LPCAT3: variants seen among roughly 807,000 people sequenced by gnomAD.
LPCAT3 encodes the protein lysophosphatidylcholine acyltransferase 3.
LPCAT3 carries 21 observed loss-of-function variants against 63.4 expected under a neutral mutation model. The ratio of observed to expected loss-of-function variants is 0.33; its 90% confidence interval spans 0.23 to 0.48. The LOEUF is 0.48. LPCAT3 is among the 20% of genes least tolerant of loss of function. The pLI, the probability that LPCAT3 is intolerant of heterozygous loss-of-function variation, is 0.99. For missense variants in LPCAT3, 451 were observed against 590.6 expected, an observed-to-expected ratio of 0.76 and a Z score of 2.45; for synonymous variants, 242 against 227.5, an observed-to-expected ratio of 1.06 and a Z score of -0.58.
intron 6 of LPCAT3, chr12:6,980,783 TG>T: frequency 5.2e-6 from 2 of 385,766 alleles, no homozygotes. Flanking sequence ...GTGGCATAAA[TG>T]TGGATTTTTA....
chr12:7,007,147 G>C (rs868927269), intron 1 of LPCAT3, among the ~76,000 whole-genome samples: 27 of 152,032 alleles, frequency 1.8e-4, no homozygotes, highest in African/African-American at 5.8e-4. Flanking sequence ...GGGTTCAAGT[G>C]ATTCTCCTGC....
In LPCAT3 at chr12:6,982,662, G is replaced by A. The variant is rs1555154274; in HGVS notation, c.366+14C>T. On this transcript the variant is annotated intron_variant, in intron 3 of 12. Transcript: ENST00000261407. ...GTCAGCTGTAGCCTGAGCTGCTAAG[G>A]GAAAGACGTTTACCATCTGGAAGCA... The A allele has an allele frequency of 6.3e-7, 1 of 1,588,198 alleles. No individual in the cohort carries two copies. The highest frequency in any genetic ancestry group is 2.2e-5 in the East Asian group (1 of 44,732).
intron 1 of LPCAT3, among the ~76,000 whole-genome samples, chr12:6,986,092 T>C (rs1010901610): frequency 6.6e-6 from 1 of 152,068 alleles, no homozygotes; most frequent in Non-Finnish European, 1.5e-5. Context: ...GTTTTTTTTT[T>C]AATTGCTGTT....
chr12:6,993,010 C>T (rs1416437790), intron 1 of LPCAT3, among the ~76,000 whole-genome samples: 1 of 152,018 alleles, frequency 6.6e-6, no homozygotes, highest in Non-Finnish European at 1.5e-5. Flanking sequence ...TATTATTTAG[C>T]TTAGAATCCA....
intron 1 of LPCAT3, among the ~76,000 whole-genome samples, chr12:7,002,304 G>T (rs936512191): frequency 1.6e-4 from 25 of 152,194 alleles, no homozygotes; most frequent in African/African-American, 5.5e-4. Flanking sequence ...AGTCCAACCA[G>T]TATGTGGTAA....
chr12:7,012,030 C>T (rs1459443079), intron 1 of LPCAT3, among the ~76,000 whole-genome samples: 4 of 152,182 alleles, frequency 2.6e-5, no homozygotes, highest in Non-Finnish European at 5.9e-5. Context: ...AACTAAACTG[C>T]AGGACCTCCT....
intron 1 of LPCAT3, among the ~76,000 whole-genome samples, chr12:6,994,557 T>C (rs1192834793): frequency 6.6e-6 from 1 of 151,948 alleles, no homozygotes; most frequent in Non-Finnish European, 1.5e-5. Context: ...GCCTCAACTT[T>C]CTAGGTTCAA....
chr12:7,010,262 G>T (rs782375352), intron 1 of LPCAT3, among the ~76,000 whole-genome samples: 2 of 152,116 alleles, frequency 1.3e-5, no homozygotes, highest in Non-Finnish European at 2.9e-5. Flanking sequence ...TAGATTCAGG[G>T]ACAGACAGGG....
chr12:7,017,218 T>C lies in LPCAT3; in HGVS notation c.151+1056A>G, dbSNP rs12580233. 0.13 allele frequency among the ~76,000 whole-genome samples: 20,445 copies of C among 152,142 alleles called. 1,956 individuals are homozygous for C. Among genetic ancestry groups the C allele is most frequent in the African/African-American group, 0.27 (11,206 of 41,442 alleles). ...ACAGCTTTTGCTTAATCCTTCCCAC[T>C]CACCCGCTCCTAAAGTTCTATAACC... On this transcript the variant is annotated intron_variant, in intron 1 of 12. Transcript: ENST00000261407. The surrounding 1 kb of genome is among the most constrained non-coding windows in gnomAD (Gnocchi z 4.1).
At chr12:7,013,198 G>A (rs1243042339) in intron 1 of LPCAT3, among the ~76,000 whole-genome samples, 1 of 152,210 alleles carries the variant, frequency 6.6e-6, no homozygotes, top group African/African-American at 2.4e-5. Context: ...GGGCACTCCA[G>A]GCAGCAGGTA....
At chr12:6,979,441 C>T (rs979031469) in intron 7 of LPCAT3, 30 bp downstream of exon 7, 1 of 1,504,436 alleles carries the variant, frequency 6.6e-7, no homozygotes, top group Non-Finnish European at 9.3e-7. Context: ...CTGGTGCAGT[C>T]ATGCTGCTGC....
intron 1 of LPCAT3, among the ~76,000 whole-genome samples, chr12:7,004,724 T>G (rs1374080708): frequency 3.9e-5 from 6 of 152,226 alleles, no homozygotes; most frequent in Non-Finnish European, 7.3e-5. Context: ...TCCTGGCTGA[T>G]AGTATCTCTT....
intron 1 of LPCAT3, among the ~76,000 whole-genome samples, chr12:6,991,485 T>C (rs1352174882): frequency 1.3e-5 from 2 of 152,224 alleles, no homozygotes; most frequent in African/African-American, 4.8e-5. Context: ...TTCATTAGAA[T>C]ACATATCAAA....
intron 1 of LPCAT3, among the ~76,000 whole-genome samples, chr12:7,014,892 CAAAAAAAAAAAAA>C (rs375839002): frequency 1.7e-5 from 1 of 57,618 alleles, no homozygotes; most frequent in African/African-American, 5.9e-5. Flanking sequence ...GACTCCGTCT[CAAAAAAAAAAAAA>C]AAAAAAAAAT....
At chr12:6,999,715 AG>A (rs1230224603) in intron 1 of LPCAT3, among the ~76,000 whole-genome samples, 1 of 152,208 alleles carries the variant, frequency 6.6e-6, no homozygotes, top group Non-Finnish European at 1.5e-5. Context: ...CAACAGATTG[AG>A]GCACTTTAAG....
intron 1 of LPCAT3, among the ~76,000 whole-genome samples, chr12:6,994,356 C>T (rs1219275959): frequency 4.6e-5 from 7 of 152,078 alleles, no homozygotes; most frequent in Non-Finnish European, 7.4e-5. Context: ...TACAGGTGTG[C>T]ACCACCATGC....
At chr12:6,982,918 G>C (rs1946485552) in intron 2 of LPCAT3, 136 bp from the exon 3 acceptor site, 2 of 670,830 alleles carry the variant, frequency 3.0e-6, no homozygotes, top group Non-Finnish European at 5.4e-6. Flanking sequence ...TGTTTTGGAG[G>C]AGAGGATGGA....
Position 6,977,199 on chromosome 12 carries a change from A to G in LPCAT3, c.1411T>C (p.Tyr471His), listed in dbSNP as rs781908784. The G allele has an allele frequency of 1.9e-6, 3 of 1,613,858 alleles. No homozygotes were observed. The highest frequency in any genetic ancestry group is 2.5e-6 in the Non-Finnish European group (3 of 1,179,704). The change falls in exon 12 of 13, where the codon TAT becomes CAT. Residue 471 changes from tyrosine (Y) to histidine (H), a missense_variant. Tyr to His is a moderately conservative substitution (Grantham distance 83, BLOSUM62 2). Transcript: ENST00000261407. The surrounding 1 kb of genome is among the most constrained non-coding windows in gnomAD (Gnocchi z 4.5). ...FFLSLLFILP[Y>H]IHKAMVPRKE... ...CTTGGCACCATTGCTTTGTGAATAT[A>G]AGGCAATATGAATAGTAGGCTCAGG...
chr12:6,977,623 A>T lies in LPCAT3; in HGVS notation c.1163T>A (p.Phe388Tyr). Reference sequence around the variant, plus strand: ...CTGTCTTTCCACAATAACAATGAGGAATTCCATCTGGAAGCAGACCAGGTA... The same window carrying T: ...CTGTCTTTCCACAATAACAATGAGGTATTCCATCTGGAAGCAGACCAGGTA... Reference protein sequence around the residue: ...SGYLVCFQMEFLIVIVERQAA... With the variant: ...SGYLVCFQMEYLIVIVERQAA... Residue 388 changes from phenylalanine to tyrosine, a missense_variant, in exon 10 of 13, where the codon TTC becomes TAC. Coordinates refer to ENST00000261407, the MANE Select transcript of LPCAT3 (RefSeq NM_005768.6). This position sits in a 1 kb window ranked among gnomAD's most constrained non-coding sequence, Gnocchi z 4.5. 1 of 1,614,210 alleles carries T rather than the reference A, an allele frequency of 6.2e-7. No homozygotes were observed. The highest frequency in any genetic ancestry group is 8.5e-7 in the Non-Finnish European group (1 of 1,180,048).
Sources: gnomAD v4.1 joint callset for allele counts (sites outside exome capture counted in the v4.1 genomes callset) on GRCh38, gnomAD v4.1.1 for gene constraint, Gnocchi (gnomAD v3.1) non-coding constraint, MANE v1.5 for transcripts, NCBI Gene and HGNC (gene_info 2026-07-23, HGNC 2026-07-21) for gene names.